The following PABPC1L variants were observed in gnomAD, a reference collection of about 807,000 sequenced individuals.
PABPC1L encodes poly(A) binding protein cytoplasmic 1 like.
In PABPC1L, 31 loss-of-function variants were observed where a neutral mutation model predicts 66.6. That is an observed-to-expected ratio of 0.47 (90% CI 0.35 to 0.63). The LOEUF (loss-of-function observed/expected upper bound fraction) is 0.63. Ranked by LOEUF, PABPC1L falls within the 20% of genes least tolerant of loss-of-function variation. The pLI is 0.00. For synonymous variants in PABPC1L, 348 were observed against 335.1 expected (o/e 1.04, Z -0.42); for missense variants, 722 against 848.8 (o/e 0.85, Z 1.86).
At chr20:44,930,381 C>T in intron 7 of PABPC1L, 79 bp from the exon 8 acceptor site, 1 of 1,537,020 alleles carries the variant, frequency 6.5e-7, no homozygotes, top group Non-Finnish European at 8.8e-7. Context: ...GGGCTTAGCC[C>T]ATGGGGAGGA....
rs62204619 is a variant in PABPC1L, at chr20:44,939,032, C to T, written c.*7-94C>T. 4.6e-3 allele frequency: 3,245 copies of T among 710,294 alleles called. 12 individuals are homozygous for T. Among genetic ancestry groups the T allele is most frequent in the Non-Finnish European group, 6.4e-3 (2,452 of 382,566 alleles). The allele number at this position is 710,294 out of a possible 1,614,324, so 44.0% of individuals were successfully genotyped here. On this transcript the variant is annotated intron_variant, in intron 14 of 14. Transcript: ENST00000217073. ...CCCTGCCTGGCTCCATTCTGCCTGC[C>T]TGAAGGCCTGGCCAGGATGTAACCA...
intron 8 of PABPC1L, among the ~76,000 whole-genome samples, chr20:44,931,024 TCCCTTCCC>T (rs1568649959): frequency 8.0e-5 from 2 of 24,896 alleles, no homozygotes; most frequent in African/African-American, 3.8e-4. Context: ...TTCCCTTCCC[TCCCTTCCC>T]TCCCTTCCCT....
rs766822017 is a variant in PABPC1L, at chr20:44,930,579, C to T, written c.1092C>T (p.Tyr364=). 58 of 1,614,138 alleles carry T rather than the reference C, an allele frequency of 3.6e-5. No homozygotes were observed. The highest frequency in any genetic ancestry group is 4.5e-5 in the Non-Finnish European group (53 of 1,180,054). Residue 364 remains tyrosine (Y), a synonymous_variant, in exon 8 of 15, where the codon TAC becomes TAT. Coordinates refer to ENST00000217073, the MANE Select transcript of PABPC1L (RefSeq NM_001372179.1). ...NGRIVGTKPL[Y]VALAQRKEER... is the part of the protein sequence containing the mutation. ...GCATCGTGGGCACCAAGCCACTCTA[C>T]GTGGCACTGGCCCAGCGCAAAGAGG...
At chr20:44,933,329 C>A in intron 10 of PABPC1L, 144 bp downstream of exon 10, 1 of 661,736 alleles carries the variant, frequency 1.5e-6, no homozygotes, top group Non-Finnish European at 2.6e-6. Context: ...GTTAGCTTGG[C>A]CTCCAGTTCC....
intron 12 of PABPC1L, 109 bp downstream of exon 12, chr20:44,936,839 T>C (rs1164294395): frequency 1.4e-5 from 16 of 1,139,858 alleles, no homozygotes; most frequent in Non-Finnish European, 2.1e-5. Flanking sequence ...AAATTCCAGC[T>C]TTGTCACCGA....
chr20:44,924,241 A>G lies in PABPC1L; in HGVS notation c.957A>G (p.Val319=), dbSNP rs768389318. 1.5e-5 allele frequency: 25 copies of G among 1,613,456 alleles called. No homozygotes were observed. Among genetic ancestry groups the G allele is most frequent in the Middle Eastern group, 3.3e-4 (2 of 6,082 alleles). ...GGAAAGAGTTCTCTCCCTATGGAGT[A>G]ATTACCAGTGCGAAGGTGAGGACTG... The part of the protein sequence containing the change: ...KLRKEFSPYG[V]ITSAKVMTEG... Residue 319 remains valine, a synonymous_variant, in exon 7 of 15, where the codon GTA becomes GTG. Coordinates refer to ENST00000217073, the MANE Select transcript of PABPC1L (RefSeq NM_001372179.1).
intron 3 of PABPC1L, 139 bp from the exon 4 acceptor site, chr20:44,918,767 A>C: frequency 1.0e-6 from 1 of 985,064 alleles, no homozygotes; most frequent in Non-Finnish European, 1.5e-6. Context: ...GGGATGTTCT[A>C]AGGAGTATTG....
rs552595154 is a variant in PABPC1L, at chr20:44,939,051, G to A, written c.*7-75G>A. 5.4e-4 allele frequency: 388 copies of A among 715,930 alleles called. 3 individuals carry two copies. In the South Asian group the frequency reaches 5.6e-3, roughly 10 times the overall value. 44.3% of individuals were successfully genotyped at this position (715,930 alleles called of 1,614,324 possible). A position where few individuals can be genotyped will look rare whatever the true frequency, so the allele number is the denominator to read the frequency against. ...GCCTGCCTGAAGGCCTGGCCAGGAT[G>A]TAACCACCTTCTTTATTGAAGACTG... is the stretch of plus-strand genomic sequence containing the variant. On this transcript the variant is annotated intron_variant, in intron 14 of 14. Coordinates refer to ENST00000217073, the MANE Select transcript of PABPC1L (RefSeq NM_001372179.1).
chr20:44,925,960 A>G (rs2066806525), intron 7 of PABPC1L, among the ~76,000 whole-genome samples: 1 of 152,182 alleles, frequency 6.6e-6, no homozygotes, highest in African/African-American at 2.4e-5. Context: ...ACTCACCTAT[A>G]AAGTGGGAGC....
chr20:44,924,379 C>A, intron 7 of PABPC1L, 123 bp downstream of exon 7: 3 of 697,798 alleles, frequency 4.3e-6, no homozygotes, highest in Non-Finnish European at 4.9e-6. Flanking sequence ...GCCGGCTACC[C>A]CTTCTGGGGC....
rs373615840 is a variant in PABPC1L at position 44,918,978 on chromosome 20, C to T, written c.576C>T (p.Asn192=). Residue 192 remains asparagine (N), a synonymous_variant, in exon 4 of 15, where the codon AAC becomes AAT. Coordinates refer to ENST00000217073, the MANE Select transcript of PABPC1L (RefSeq NM_001372179.1). ...GGGCGCGGGCCCTGGAGTTCACCAA[C>T]ATCTACGTGAAGAACCTCCCGGTGG... ...ELGARALEFT[N]IYVKNLPVDV... 4 of 1,613,436 alleles carry T rather than the reference C, an allele frequency of 2.5e-6. No homozygotes were observed. The highest frequency in any genetic ancestry group is 3.4e-6 in the Non-Finnish European group (4 of 1,179,714).
intron 14 of PABPC1L, 22 bp from the exon 15 acceptor site, chr20:44,939,104 A>C: frequency 1.4e-6 from 1 of 717,632 alleles, no homozygotes; most frequent in Non-Finnish European, 2.6e-6. Context: ...AAAAACACTT[A>C]TTTTTACCTT....
intron 7 of PABPC1L, among the ~76,000 whole-genome samples, chr20:44,925,718 T>C (rs754747438): frequency 1.3e-5 from 2 of 152,204 alleles, no homozygotes; most frequent in African/African-American, 4.8e-5. Flanking sequence ...AAGATCCTTT[T>C]GAAAAATGCG....
chr20:44,916,900 GAGGCTGCAGGGACAGA>G (rs1463784623), intron 3 of PABPC1L, 29 bp downstream of exon 3: 1 of 1,599,546 alleles, frequency 6.3e-7, no homozygotes, highest in African/African-American at 1.3e-5. Flanking sequence ...GGGAGGGGCG[GAGGCTGCAGGGACAGA>G]AGCATGGCAC....
rs2066915292 is a variant in PABPC1L, at chr20:44,938,073, A to C, written c.1673A>C (p.Tyr558Ser). The C allele has an allele frequency of 6.2e-7, 1 of 1,613,840 alleles. No individual in the cohort carries two copies. Among genetic ancestry groups the C allele is most frequent in the African/African-American group, 1.3e-5 (1 of 74,842 alleles). Residue 558 changes from tyrosine to serine, a missense_variant, in exon 13 of 15, where the codon TAC becomes TCC. Physicochemically the swap from Tyr to Ser is moderately radical, Grantham distance 144 (BLOSUM62 -2). Transcript: ENST00000217073. ...GTGTTCCACACAGGGGAGCGTCTCT[A>C]CCCCCTTATCCATGATGTCCACACC... ...EQKQMIGERL[Y>S]PLIHDVHTQL... is the part of the protein sequence containing the mutation.
chr20:44,921,879 T>G (rs1354557724), intron 6 of PABPC1L, 148 bp downstream of exon 6: 3 of 1,197,104 alleles, frequency 2.5e-6, no homozygotes, highest in Non-Finnish European at 3.5e-6. Flanking sequence ...TGGCCCCCAC[T>G]GCCTAATGTA....
At chr20:44,927,995 T>G (rs2066822538) in intron 7 of PABPC1L, among the ~76,000 whole-genome samples, 1 of 147,676 alleles carries the variant, frequency 6.8e-6, no homozygotes, top group Admixed American at 6.9e-5. Context: ...TTCTTAGGTG[T>G]ACAAAAAAAT....
At chr20:44,924,056 TG>T in intron 6 of PABPC1L, 104 bp from the exon 7 acceptor site, 1 of 881,836 alleles carries the variant, frequency 1.1e-6, no homozygotes, top group Non-Finnish European at 1.9e-6. Context: ...GCTGGGCTGG[TG>T]GGGCTCCCCA....
chr20:44,932,175 A>G, intron 8 of PABPC1L, 167 bp from the exon 9 acceptor site: 1 of 472,738 alleles, frequency 2.1e-6, no homozygotes, highest in Non-Finnish European at 3.8e-6. Flanking sequence ...GGGCTAATGG[A>G]CATCCTGAGA....
Sources: gnomAD v4.1 joint callset for allele counts (sites outside exome capture counted in the v4.1 genomes callset) on GRCh38, gnomAD v4.1.1 for gene constraint, MANE v1.5 for transcripts, NCBI Gene and HGNC (gene_info 2026-07-23, HGNC 2026-07-21) for gene names.